The following SCFD2 variants were observed in gnomAD, a reference collection of about 807,000 sequenced individuals.
SCFD2 encodes sec1 family domain containing 2.
A neutral mutation model predicts 58.9 loss-of-function variants in SCFD2; 54 were observed. That is an observed-to-expected ratio of 0.92 (90% CI 0.74 to 1.15). SCFD2 has a LOEUF of 1.15. SCFD2 is among the 50% of genes most tolerant of loss of function. The pLI is 0.00. For synonymous variants in SCFD2, 321 were observed against 335.9 expected, an observed-to-expected ratio of 0.96 and a Z score of 0.49; for missense variants, 805 against 836.6, an observed-to-expected ratio of 0.96 and a Z score of 0.47.
chr4:53,061,991 G>C (rs1333950773), intron 5 of SCFD2, among the ~76,000 whole-genome samples: 4 of 151,990 alleles, frequency 2.6e-5, no homozygotes, highest in Non-Finnish European at 5.9e-5. Flanking sequence ...GCAGCCTTTA[G>C]TCTAGGGAGG....
At position 52,968,034 on chromosome 4, in the gene SCFD2, C is replaced by A. The variant is rs530384714; in HGVS notation, c.1562-47164G>T. Among the ~76,000 whole-genome samples the A allele has an allele frequency of 1.4e-3, 207 of 151,848 alleles. 3 individuals are homozygous for A. Among genetic ancestry groups the A allele is most frequent in the Non-Finnish European group, 1.0e-3 (69 of 67,888 alleles). On this transcript the variant is annotated intron_variant, in intron 5 of 8. Coordinates refer to ENST00000401642, the MANE Select transcript of SCFD2 (RefSeq NM_152540.4). ...ATTTTATCATCTGGAAGGCTGGCAACACATAATAATTCAATTCAAAAGCCA... is the reference window on the plus strand; with the variant it reads ...ATTTTATCATCTGGAAGGCTGGCAAAACATAATAATTCAATTCAAAAGCCA...
intron 5 of SCFD2, among the ~76,000 whole-genome samples, chr4:53,033,841 A>C (rs1001853056): frequency 6.6e-6 from 1 of 152,206 alleles, no homozygotes; most frequent in Non-Finnish European, 1.5e-5. Context: ...AACCAAAAAA[A>C]GTCCAGGACC....
intron 5 of SCFD2, among the ~76,000 whole-genome samples, chr4:53,051,418 T>C (rs1002623733): frequency 1.3e-5 from 2 of 152,078 alleles, no homozygotes; most frequent in Non-Finnish European, 2.9e-5. Context: ...GCCTCTCCAA[T>C]CTTCTATACC....
At position 52,958,327 on chromosome 4, in the gene SCFD2, A is replaced by G. The variant is rs114404696; in HGVS notation, c.1562-37457T>C. ...TTGTTAATACTATAAGGCAGGCTCCATGTGTTTGTTTATTTCTGGGAAGGA... is the reference window on the plus strand; with the variant it reads ...TTGTTAATACTATAAGGCAGGCTCCGTGTGTTTGTTTATTTCTGGGAAGGA... On this transcript the variant is annotated intron_variant, in intron 5 of 8. Coordinates refer to ENST00000401642, the MANE Select transcript of SCFD2 (RefSeq NM_152540.4). Among the ~76,000 whole-genome samples, 966 of 152,290 alleles carry G rather than the reference A, an allele frequency of 6.3e-3. 10 individuals carry two copies. Among genetic ancestry groups the G allele is most frequent in the African/African-American group, 0.022 (922 of 41,568 alleles).
intron 5 of SCFD2, among the ~76,000 whole-genome samples, chr4:52,963,188 G>A (rs942165348): frequency 6.6e-6 from 1 of 152,134 alleles, no homozygotes; most frequent in African/African-American, 2.4e-5. Context: ...GAAAAAAACT[G>A]TATCTTCCCA....
intron 5 of SCFD2, among the ~76,000 whole-genome samples, chr4:53,075,311 G>A (rs1175815867): frequency 6.6e-6 from 1 of 152,116 alleles, no homozygotes; most frequent in Non-Finnish European, 1.5e-5. Context: ...GGAATATTGT[G>A]GCTGATTTGA....
chr4:52,949,888 T>TGGTG (rs1720543211), intron 5 of SCFD2: 1 of 152,246 alleles, frequency 6.6e-6, no homozygotes, highest in African/African-American at 2.4e-5. Flanking sequence ...GTGCAGCCTC[T>TGGTG]GGTGACAGGG....
At chr4:52,887,618 C>T (rs1419332917) in intron 7 of SCFD2, among the ~76,000 whole-genome samples, 1 of 152,272 alleles carries the variant, frequency 6.6e-6, no homozygotes, top group African/African-American at 2.4e-5. Context: ...ATGGAGCATG[C>T]ATGGAGTCCT....
intron 2 of SCFD2, among the ~76,000 whole-genome samples, chr4:53,342,169 G>A (rs913674327): frequency 6.6e-6 from 1 of 152,114 alleles, no homozygotes; most frequent in African/African-American, 2.4e-5. Flanking sequence ...TGGCAAATTG[G>A]ATAAAGAGTC....
chr4:52,905,382 C>T (rs967390228), intron 7 of SCFD2, among the ~76,000 whole-genome samples: 4 of 152,174 alleles, frequency 2.6e-5, no homozygotes, highest in Admixed American at 6.5e-5. Context: ...ACGGAGAAGG[C>T]CCATTTAGAA....
At chr4:53,011,451 C>A (rs1722092379) in intron 5 of SCFD2, among the ~76,000 whole-genome samples, 1 of 152,178 alleles carries the variant, frequency 6.6e-6, no homozygotes, top group African/African-American at 2.4e-5. Context: ...CACTACTGAG[C>A]AAATATTAAA....
intron 4 of SCFD2, among the ~76,000 whole-genome samples, chr4:53,182,871 A>G (rs1727619319): frequency 1.3e-5 from 2 of 152,140 alleles, no homozygotes; most frequent in Admixed American, 1.3e-4. Flanking sequence ...TCAAAAGAAG[A>G]CATTAATGCA....
chr4:52,962,603 C>T (rs1577862984), intron 5 of SCFD2, among the ~76,000 whole-genome samples: 1 of 151,856 alleles, frequency 6.6e-6, no homozygotes, highest in East Asian at 1.9e-4. Flanking sequence ...GATTGTCTTC[C>T]TATTTTTTTC....
intron 5 of SCFD2, among the ~76,000 whole-genome samples, chr4:53,060,943 A>T (rs1414555147): frequency 6.6e-6 from 1 of 152,188 alleles, no homozygotes; most frequent in South Asian, 2.1e-4. Context: ...TAACACCTAC[A>T]GTGAATTATA....
chr4:53,338,569 A>ATTTTTTTTTTT (rs1454636023), intron 2 of SCFD2, among the ~76,000 whole-genome samples: 59 of 58,348 alleles, frequency 1.0e-3, no homozygotes, highest in East Asian at 3.2e-3. Context: ...AAAGCAGTAT[A>ATTTTTTTTTTT]TTTTTCTTTT....
chr4:52,961,893 C>G (rs1211594983), intron 5 of SCFD2, among the ~76,000 whole-genome samples: 1 of 152,144 alleles, frequency 6.6e-6, no homozygotes, highest in African/African-American at 2.4e-5. Context: ...CAGTTATAGA[C>G]AGTCTGAAGG....
At chr4:53,210,849 T>C (rs1401115167) in intron 4 of SCFD2, among the ~76,000 whole-genome samples, 1 of 151,996 alleles carries the variant, frequency 6.6e-6, no homozygotes, top group African/African-American at 2.4e-5. Context: ...GGCAGCACTC[T>C]AATCTTCCCC....
chr4:53,104,079 T>C (rs1176299351), intron 5 of SCFD2, among the ~76,000 whole-genome samples: 1 of 152,124 alleles, frequency 6.6e-6, no homozygotes, highest in African/African-American at 2.4e-5. Flanking sequence ...ATGTTATGTA[T>C]GTATATTGCC....
chr4:52,943,952 A>T (rs1048193187), intron 5 of SCFD2, among the ~76,000 whole-genome samples: 1 of 152,204 alleles, frequency 6.6e-6, no homozygotes, highest in Non-Finnish European at 1.5e-5. Context: ...AAACAATCAC[A>T]TGAAATGAAA....
Sources: allele counts gnomAD v4.1 joint callset (sites outside exome capture counted in the v4.1 genomes callset), GRCh38; gene constraint gnomAD v4.1.1; transcripts MANE v1.5; gene names NCBI Gene and HGNC (gene_info 2026-07-23, HGNC 2026-07-21).